The following CBX3 variants were observed in gnomAD, a reference collection of about 807,000 sequenced individuals.
The protein encoded by CBX3 is chromobox protein homolog 3.
Under a neutral mutation model 22.6 loss-of-function variants are expected in CBX3, and 5 were observed. The ratio of observed to expected loss-of-function variants is 0.22; its 90% CI spans 0.12 to 0.47. The LOEUF (loss-of-function observed/expected upper bound fraction) is 0.47, where lower values mean the gene tolerates loss of function less well. Ranked by LOEUF, CBX3 falls within the 20% of genes least tolerant of loss-of-function variation. The pLI is 0.99. For missense variants in CBX3, 83 were observed against 208.1 expected (o/e 0.40, Z 3.70); for synonymous variants, 50 against 66.6 (o/e 0.75, Z 1.21).
intron 2 of CBX3, among the ~76,000 whole-genome samples, chr7:26,203,656 C>G (rs914639631): frequency 3.3e-5 from 5 of 151,650 alleles, no homozygotes; most frequent in Admixed American, 6.6e-5. Context: ...TTTTTTTAAA[C>G]CCTGGAATAT....
chr7:26,204,904 C>G (rs1784639924), intron 2 of CBX3, among the ~76,000 whole-genome samples: 1 of 152,170 alleles, frequency 6.6e-6, no homozygotes, highest in Non-Finnish European at 1.5e-5. Context: ...GTTCTCCTGC[C>G]TCAGCCTCCC....
chr7:26,202,330 C>A (rs1422155466), intron 1 of CBX3: 1 of 152,274 alleles, frequency 6.6e-6, no homozygotes, highest in African/African-American at 2.4e-5. Flanking sequence ...CGTGCCGCGG[C>A]CTTTGTTTCT....
rs564905361 is a variant in CBX3 at position 26,209,509 on chromosome 7, C to T, written c.330+954C>T. 4.6e-5 allele frequency among the ~76,000 whole-genome samples: 7 copies of T among 152,300 alleles called. No homozygotes were observed. In the East Asian group the frequency reaches 1.3e-3, roughly 29 times the overall value. Reference sequence around the variant, plus strand: ...TACAGTAAGAACAACGCAAATAGAACTTTCTGATTATAGTCCATCAATGGC... The same window carrying T: ...TACAGTAAGAACAACGCAAATAGAATTTTCTGATTATAGTCCATCAATGGC... On this transcript the variant is annotated intron_variant, in intron 4 of 5. Transcript: ENST00000396386.
chr7:26,208,215 C>G, intron 3 of CBX3, 178 bp from the exon 4 acceptor site: 1 of 460,486 alleles, frequency 2.2e-6, no homozygotes, highest in Non-Finnish European at 4.0e-6. Context: ...AAGCAAGACC[C>G]TGTCTCTGGC....
Position 26,203,081 on chromosome 7 carries a change from GT to G in CBX3, c.24+60del. ...TTAACTCAAGTTTTTTTTCCCCACA[GT>G]ATAACTTTGCATCTCTGTGGCTGAG... On this transcript the variant is annotated intron_variant, in intron 2 of 5. Coordinates refer to ENST00000396386, the MANE Select transcript of CBX3 (RefSeq NM_016587.4). 3 of 1,114,006 alleles carry G rather than the reference GT, an allele frequency of 2.7e-6. No individual in the cohort carries two copies. In the South Asian group the frequency reaches 4.0e-5, roughly 15 times the overall value. The allele number at this position is 1,114,006 out of a possible 1,614,324, so 69.0% of individuals were successfully genotyped here. A position where few individuals can be genotyped will look rare whatever the true frequency, so the allele number is the denominator to read the frequency against.
chr7:26,208,765 G>A (rs1349052171), intron 4 of CBX3, among the ~76,000 whole-genome samples: 2 of 151,750 alleles, frequency 1.3e-5, no homozygotes, highest in African/African-American at 2.4e-5. Context: ...GATTATAGGT[G>A]CCCACCACCA....
intron 3 of CBX3, 113 bp downstream of exon 3, chr7:26,206,623 A>C: frequency 1.0e-6 from 1 of 967,042 alleles, no homozygotes; most frequent in Non-Finnish European, 1.6e-6. Context: ...TTTAAATGTA[A>C]AGACACTTTG....
At chr7:26,206,661 T>C in intron 3 of CBX3, 151 bp downstream of exon 3, 1 of 747,584 alleles carries the variant, frequency 1.3e-6, no homozygotes, top group Non-Finnish European at 2.2e-6. Context: ...TTGAGGTCTA[T>C]TTCAAAAGAA....
intron 2 of CBX3, among the ~76,000 whole-genome samples, chr7:26,205,383 G>C (rs930059600): frequency 6.6e-6 from 1 of 152,036 alleles, no homozygotes; most frequent in Non-Finnish European, 1.5e-5. Context: ...TTTCACCTTA[G>C]GGAATTAAAA....
At chr7:26,206,915 C>T (rs1158553027) in intron 3 of CBX3, among the ~76,000 whole-genome samples, 2 of 152,164 alleles carry the variant, frequency 1.3e-5, no homozygotes, top group Non-Finnish European at 2.9e-5. Context: ...AGGCTTTATA[C>T]TAGGTTTATT....
At chr7:26,210,356 C>CTA (rs1784775372) in intron 4 of CBX3, 1 of 152,192 alleles carries the variant, frequency 6.6e-6, no homozygotes, top group Non-Finnish European at 1.5e-5. Flanking sequence ...TTAGCATGTG[C>CTA]TATACTGTGT....
chr7:26,210,820 G>C (rs1784788418), intron 4 of CBX3, among the ~76,000 whole-genome samples: 1 of 152,038 alleles, frequency 6.6e-6, no homozygotes, highest in South Asian at 2.1e-4. Flanking sequence ...GATTGCTGTG[G>C]CGGATCATTT....
chr7:26,204,910 C>A (rs1047438130), intron 2 of CBX3, among the ~76,000 whole-genome samples: 1 of 152,174 alleles, frequency 6.6e-6, no homozygotes, highest in African/African-American at 2.4e-5. Context: ...CTGCCTCAGC[C>A]TCCCAAGTAG....
chr7:26,203,119 C>A, intron 2 of CBX3, 97 bp downstream of exon 2: 1 of 706,524 alleles, frequency 1.4e-6, no homozygotes, highest in Non-Finnish European at 2.3e-6. Flanking sequence ...AATTTACATC[C>A]ACATATTTCC....
intron 4 of CBX3, among the ~76,000 whole-genome samples, chr7:26,208,959 GAC>G (rs1178579754): frequency 3.3e-5 from 3 of 91,180 alleles, no homozygotes; most frequent in Non-Finnish European, 5.8e-5. Flanking sequence ...TTTCCTGGGA[GAC>G]AGAGTCTCCC....
chr7:26,205,467 A>G (rs191206664), intron 2 of CBX3, among the ~76,000 whole-genome samples: 36 of 152,372 alleles, frequency 2.4e-4, no homozygotes, highest in Non-Finnish European at 4.7e-4. Flanking sequence ...TATTATCTAC[A>G]GAGATTATGG....
At chr7:26,206,796 TACACTAATTAGA>T (rs1784686133) in intron 3 of CBX3, among the ~76,000 whole-genome samples, 1 of 152,216 alleles carries the variant, frequency 6.6e-6, no homozygotes. Flanking sequence ...GGTTAGATAT[TACACTAATTAGA>T]ATAATCTGCA....
chr7:26,201,632 G>GCCCCTCCCCCCGCCGGGCGCGCGC (rs1784444830), upstream of CBX3: 3 of 147,176 alleles, frequency 2.0e-5, no homozygotes, highest in South Asian at 6.3e-4. Context: ...GCGGCGCGCG[G>GCCCCTCCCCCCGCCGGGCGCGCGC]CCCCTCCCCC....
At position 26,212,028 on chromosome 7, in the gene CBX3, G is replaced by A. The variant is rs1486849579; in HGVS notation, c.426-54G>A. ...ATTATTTCTTAAATGAATGGCTGTC[G>A]GTTGACATGAACAACTTCGACTTGT... is the stretch of plus-strand genomic sequence containing the variant. On this transcript the variant is annotated intron_variant, in intron 5 of 5. Transcript: ENST00000396386. 7.8e-5 allele frequency: 112 copies of A among 1,432,738 alleles called. No individual in the cohort carries two copies. In the East Asian group the frequency reaches 2.3e-3, roughly 30 times the overall value. The allele number at this position is 1,432,738 out of a possible 1,614,324, so 88.8% of individuals were successfully genotyped here.
Sources: gnomAD v4.1 joint callset for allele counts (sites outside exome capture counted in the v4.1 genomes callset) on GRCh38, gnomAD v4.1.1 for gene constraint, MANE v1.5 for transcripts, NCBI Gene and HGNC (gene_info 2026-07-23, HGNC 2026-07-21) for gene names.